FGD5: variants seen among roughly 807,000 people sequenced by gnomAD.
FGD5 encodes the protein FYVE, RhoGEF and PH domain-containing protein 5.
Under a neutral mutation model 133.4 loss-of-function variants are expected in FGD5, and 28 were observed. The ratio of observed to expected loss-of-function variants is 0.21; its 90% confidence interval spans 0.16 to 0.29. FGD5 has a LOEUF of 0.29. Ranked by LOEUF, FGD5 falls within the 10% of genes least tolerant of loss-of-function variation. The pLI is 1.00. For missense variants in FGD5, 1,858 were observed against 1,895.2 expected (o/e 0.98, Z 0.36); for synonymous variants, 810 against 776.5 (o/e 1.04, Z -0.72).
chr3:14,869,900 G>A (rs752754576), intron 2 of FGD5, among the ~76,000 whole-genome samples: 41 of 152,336 alleles, frequency 2.7e-4, no homozygotes, highest in South Asian at 2.1e-4. Context: ...TGCTGTGAAC[G>A]TGGGTGCACA....
At chr3:14,834,295 G>A (rs1575196038) in intron 1 of FGD5, among the ~76,000 whole-genome samples, 2 of 152,294 alleles carry the variant, frequency 1.3e-5, no homozygotes, top group East Asian at 1.9e-4. Context: ...CTTACTAGCT[G>A]TGTGTCCTTG....
rs1456422892 is a variant in FGD5 at position 14,922,378 on chromosome 3, T to G, written c.3670-33T>G. On this transcript the variant is annotated intron_variant, in intron 14 of 19. Coordinates refer to ENST00000285046, the MANE Select transcript of FGD5 (RefSeq NM_152536.4). The surrounding 1 kb of genome is among the most constrained non-coding windows in gnomAD (Gnocchi z 4.1). ...GCATCTGGCTGGTCTCCTGGCCACA[T>G]TCCACATTACTCAGCCAATTCTGTT... 5 of 1,556,238 alleles carry G rather than the reference T, an allele frequency of 3.2e-6. No individual in the cohort carries two copies. The highest frequency in any genetic ancestry group is 4.3e-6 in the Non-Finnish European group (5 of 1,149,576).
intron 1 of FGD5, among the ~76,000 whole-genome samples, chr3:14,856,076 T>C (rs1307862815): frequency 6.6e-6 from 1 of 152,152 alleles, no homozygotes; most frequent in Non-Finnish European, 1.5e-5. Flanking sequence ...GGTAAGGATC[T>C]AGTTTCATTC....
At chr3:14,889,464 T>A (rs2037985589) in intron 4 of FGD5, among the ~76,000 whole-genome samples, 1 of 152,166 alleles carries the variant, frequency 6.6e-6, no homozygotes, top group African/African-American at 2.4e-5. Context: ...TTGTCTGTGC[T>A]CCTGTGCATG....
At chr3:14,926,047 C>T in intron 17 of FGD5, 23 bp from the exon 18 acceptor site, 17 of 1,612,472 alleles carry the variant, frequency 1.1e-5, no homozygotes, top group Non-Finnish European at 1.4e-5. Flanking sequence ...GGTGGGCTGA[C>T]CGCTCTGCTT....
chr3:14,927,314 C>G (rs1011641343), intron 18 of FGD5, among the ~76,000 whole-genome samples: 1 of 152,118 alleles, frequency 6.6e-6, no homozygotes, highest in Admixed American at 6.5e-5. Flanking sequence ...GAAGTGACAG[C>G]ATAAGCTTAT....
intron 1 of FGD5, among the ~76,000 whole-genome samples, chr3:14,813,214 C>T (rs2036319335): frequency 6.6e-6 from 1 of 152,088 alleles, no homozygotes; most frequent in Admixed American, 6.5e-5. Context: ...ATCATTTTAC[C>T]AAAAAGGAAA....
chr3:14,832,284 CTCT>C (rs2036726381), intron 1 of FGD5, among the ~76,000 whole-genome samples: 1 of 152,194 alleles, frequency 6.6e-6, no homozygotes, highest in African/African-American at 2.4e-5. Flanking sequence ...CTTCATAGAG[CTCT>C]CCCTGCACCA....
At chr3:14,874,224 G>C (rs969887314) in intron 2 of FGD5, among the ~76,000 whole-genome samples, 3 of 152,114 alleles carry the variant, frequency 2.0e-5, no homozygotes, top group Non-Finnish European at 2.9e-5. Context: ...TACATGAGGT[G>C]TCTAAAATAT....
intron 10 of FGD5, 139 bp downstream of exon 10, chr3:14,907,850 T>G (rs1575249160): frequency 1.3e-6 from 1 of 790,896 alleles, no homozygotes; most frequent in African/African-American, 1.8e-5. Context: ...CGGGTGGGCG[T>G]GGGCTCACTG....
chr3:14,829,232 G>A (rs182981302), intron 1 of FGD5, among the ~76,000 whole-genome samples: 13 of 152,258 alleles, frequency 8.5e-5, no homozygotes, highest in African/African-American at 3.1e-4. Flanking sequence ...GGGAAGGCAG[G>A]GTGGGCCCAG....
intron 2 of FGD5, among the ~76,000 whole-genome samples, chr3:14,877,502 C>T (rs943432381): frequency 6.6e-6 from 1 of 152,242 alleles, no homozygotes; most frequent in Non-Finnish European, 1.5e-5. Context: ...CATCTGACCT[C>T]ATCCTGGCAG....
intron 9 of FGD5, among the ~76,000 whole-genome samples, chr3:14,903,613 T>C (rs1223610775): frequency 1.3e-5 from 2 of 151,416 alleles, no homozygotes; most frequent in Admixed American, 1.3e-4. Flanking sequence ...GTTTGGTTTT[T>C]TGTTCTTGCG....
rs1253745138 is a variant in FGD5, at chr3:14,907,722, C to G, written c.3336+11C>G. 15 of 1,612,852 alleles carry G rather than the reference C, an allele frequency of 9.3e-6. No individual in the cohort carries two copies. Among genetic ancestry groups the G allele is most frequent in the African/African-American group, 2.7e-5 (2 of 74,860 alleles). On this transcript the variant is annotated intron_variant, in intron 10 of 19. Transcript: ENST00000285046. ...CTCCAGCCAGGAAGGGTGAGTGCCG[C>G]CACCATGGGTAGGGGCAGAGGGTGG...
At position 14,934,126 on chromosome 3, in the gene FGD5, G is replaced by T. The variant is rs1001953748; in HGVS notation, c.*959G>T. On this transcript the variant is annotated 3_prime_UTR_variant, in exon 20 of 20. Transcript: ENST00000285046. ...TAATCCTTGGGCTGTATTACTGAAG[G>T]CTTTTTATTTTTTGAGAGGTGAAAA... The T allele has an allele frequency of 6.6e-6, 1 of 152,158 alleles. No homozygotes were observed. Among genetic ancestry groups the T allele is most frequent in the African/African-American group, 2.4e-5 (1 of 41,408 alleles). 9.4% of individuals were successfully genotyped at this position (152,158 alleles called of 1,614,324 possible).
chr3:14,824,378 C>T (rs948116943), intron 1 of FGD5, among the ~76,000 whole-genome samples: 17 of 152,148 alleles, frequency 1.1e-4, no homozygotes, highest in Admixed American at 2.6e-4. Context: ...AGACCTCTGC[C>T]TAGGGGTGCT....
chr3:14,923,843 T>G, intron 16 of FGD5, 165 bp from the exon 17 acceptor site: 3 of 883,800 alleles, frequency 3.4e-6, no homozygotes, highest in Non-Finnish European at 5.1e-6. Context: ...CCCATAGCCT[T>G]TGTCTGTTCC....
At chr3:14,839,345 C>A (rs1211811154) in intron 1 of FGD5, among the ~76,000 whole-genome samples, 1 of 152,190 alleles carries the variant, frequency 6.6e-6, no homozygotes, top group Admixed American at 6.5e-5. Context: ...AGCCAGTGTA[C>A]AAATAGTAGC....
At chr3:14,875,170 A>G (rs1441357049) in intron 2 of FGD5, among the ~76,000 whole-genome samples, 1 of 151,250 alleles carries the variant, frequency 6.6e-6, no homozygotes, top group Non-Finnish European at 1.5e-5. Flanking sequence ...GTTTCTGAGC[A>G]CTCTCCCGTC....
Sources: allele counts gnomAD v4.1 joint callset (sites outside exome capture counted in the v4.1 genomes callset), GRCh38; gene constraint gnomAD v4.1.1; non-coding constraint Gnocchi (gnomAD v3.1); transcripts MANE v1.5; gene names NCBI Gene and HGNC (gene_info 2026-07-23, HGNC 2026-07-21).